ATP6V1H: variants seen among roughly 807,000 people sequenced by gnomAD.
ATP6V1H encodes V-type proton ATPase subunit H.
Under a neutral mutation model 71.7 loss-of-function variants are expected in ATP6V1H, and 39 were observed. The observed-to-expected ratio is 0.54, with a 90% CI of 0.42 to 0.71. ATP6V1H has a LOEUF of 0.71. Among genes scored for constraint, ATP6V1H ranks in the 30% least tolerant of loss-of-function variants. The probability of loss-of-function intolerance (pLI) is 0.00; values close to 1 mark genes in which losing one functional copy is unlikely to be tolerated. For synonymous variants in ATP6V1H, 192 were observed against 199.3 expected (o/e 0.96, Z 0.31); for missense variants, 509 against 594.9 (o/e 0.86, Z 1.50).
intron 13 of ATP6V1H, among the ~76,000 whole-genome samples, chr8:53,732,901 G>A (rs564564666): frequency 3.1e-4 from 47 of 152,190 alleles, no homozygotes; most frequent in Non-Finnish European, 5.7e-4. Context: ...GATCAGAGCC[G>A]CGAGAGGCCA....
At chr8:53,831,553 G>T (rs933106411) in intron 3 of ATP6V1H, among the ~76,000 whole-genome samples, 2 of 152,146 alleles carry the variant, frequency 1.3e-5, no homozygotes, top group East Asian at 1.9e-4. Flanking sequence ...ACACTATTAC[G>T]TTAAGATACT....
chr8:53,823,012 TA>T (rs1349176398), intron 4 of ATP6V1H, among the ~76,000 whole-genome samples: 1 of 151,840 alleles, frequency 6.6e-6, no homozygotes, highest in African/African-American at 2.4e-5. Flanking sequence ...ATTAGAAAAG[TA>T]AAAAATGCAT....
rs561030914 is a variant in ATP6V1H at position 53,736,981 on chromosome 8, T to TTTCTG, written c.1391+6591_1391+6595dup. On this transcript the variant is annotated intron_variant, in intron 13 of 13. Transcript: ENST00000359530. ...ATTGTATAAGGAAGCATTGTGAAAC[T>TTTCTG]TTCTGTTCTGTTCTGTCTTGATTAC... Among the ~76,000 whole-genome samples, 349 of 152,346 alleles carry TTTCTG rather than the reference T, an allele frequency of 2.3e-3. 2 individuals carry two copies. Among genetic ancestry groups the TTTCTG allele is most frequent in the African/African-American group, 8.1e-3 (335 of 41,582 alleles).
rs559909657 is a variant in ATP6V1H at position 53,728,093 on chromosome 8, C to T, written c.1392-12069G>A. 2.5e-3 allele frequency among the ~76,000 whole-genome samples: 388 copies of T among 152,316 alleles called. 1 individual carries two copies. Among genetic ancestry groups the T allele is most frequent in the African/African-American group, 8.4e-3 (349 of 41,578 alleles). On this transcript the variant is annotated intron_variant, in intron 13 of 13. Coordinates refer to ENST00000359530, the MANE Select transcript of ATP6V1H (RefSeq NM_015941.4). ...GGTTTCCTTGCCTTTGAACTTGCCA[C>T]GCAGCAGGCAGGGTGACGTCAAACA...
intron 11 of ATP6V1H, among the ~76,000 whole-genome samples, chr8:53,763,915 C>T (rs544915416): frequency 4.1e-4 from 63 of 152,252 alleles, no homozygotes; most frequent in Non-Finnish European, 7.1e-4. Flanking sequence ...CAAGAACTAG[C>T]TAGAGAAATA....
chr8:53,763,902 T>C (rs1010730326), intron 11 of ATP6V1H, among the ~76,000 whole-genome samples: 9 of 152,146 alleles, frequency 5.9e-5, no homozygotes, highest in African/African-American at 2.2e-4. Context: ...GCTAAAGATT[T>C]AACAAGAACT....
At chr8:53,825,260 C>T (rs926662539) in intron 4 of ATP6V1H, among the ~76,000 whole-genome samples, 10 of 152,076 alleles carry the variant, frequency 6.6e-5, no homozygotes, top group African/African-American at 2.2e-4. Context: ...TGGTTTCAAA[C>T]TCCTGGCTTC....
chr8:53,782,048 G>A (rs1450798718), intron 9 of ATP6V1H, among the ~76,000 whole-genome samples: 1 of 152,094 alleles, frequency 6.6e-6, no homozygotes, highest in African/African-American at 2.4e-5. Flanking sequence ...CCATATGAAC[G>A]TTAAAGTAGT....
intron 9 of ATP6V1H, among the ~76,000 whole-genome samples, chr8:53,793,194 A>G (rs1173227247): frequency 2.0e-5 from 3 of 152,252 alleles, no homozygotes; most frequent in Admixed American, 1.3e-4. Context: ...ACGGAATGCA[A>G]ATTTAAAACA....
intron 7 of ATP6V1H, among the ~76,000 whole-genome samples, chr8:53,806,295 C>A (rs1049892354): frequency 1.3e-4 from 20 of 151,806 alleles, no homozygotes; most frequent in Admixed American, 2.0e-4. Flanking sequence ...TCAATTTCTA[C>A]AAAACACTAA....
intron 7 of ATP6V1H, among the ~76,000 whole-genome samples, chr8:53,810,790 C>T (rs747361595): frequency 2.1e-4 from 32 of 152,044 alleles, no homozygotes; most frequent in Non-Finnish European, 2.6e-4. Flanking sequence ...AAATGTTTGA[C>T]GCTTTTGTTC....
chr8:53,837,407 G>C (rs887955580), intron 2 of ATP6V1H, among the ~76,000 whole-genome samples: 3 of 151,728 alleles, frequency 2.0e-5, no homozygotes, highest in African/African-American at 7.3e-5. Flanking sequence ...GCACTCCAGT[G>C]AGGAAAACAG....
chr8:53,782,754 G>A (rs1479975059), intron 9 of ATP6V1H, among the ~76,000 whole-genome samples: 1 of 152,144 alleles, frequency 6.6e-6, no homozygotes, highest in Non-Finnish European at 1.5e-5. Flanking sequence ...AGCATGAAGG[G>A]TTGTTGAATT....
chr8:53,807,639 G>A (rs779945028), intron 7 of ATP6V1H, among the ~76,000 whole-genome samples: 17 of 152,170 alleles, frequency 1.1e-4, no homozygotes, highest in Non-Finnish European at 2.4e-4. Context: ...CCAGGGCTTG[G>A]AGGCAAGAAC....
chr8:53,835,830 C>T (rs1811141590), intron 2 of ATP6V1H, among the ~76,000 whole-genome samples: 1 of 152,102 alleles, frequency 6.6e-6, no homozygotes, highest in Non-Finnish European at 1.5e-5. Flanking sequence ...TCTTCTCATC[C>T]CACTCAAGTC....
Position 53,754,082 on chromosome 8 carries a change from A to G in ATP6V1H, c.1277+2473T>C, listed in dbSNP as rs11985797. ...TGCGCATAAGAGGAACCCTGAACTT[A>G]GAGAAACCCCAATCTCTCATATGGC... On this transcript the variant is annotated intron_variant, in intron 12 of 13. Transcript: ENST00000359530. Among the ~76,000 whole-genome samples the G allele has an allele frequency of 3.5e-3, 536 of 152,330 alleles. 3 individuals are homozygous for G. The highest frequency in any genetic ancestry group is 0.012 in the African/African-American group (494 of 41,576).
At chr8:53,753,006 C>A (rs1038733507) in intron 12 of ATP6V1H, among the ~76,000 whole-genome samples, 2 of 150,022 alleles carry the variant, frequency 1.3e-5, no homozygotes, top group African/African-American at 2.5e-5. Context: ...TGTTGATCTG[C>A]AAATCCACTG....
chr8:53,796,992 G>A (rs944384971), intron 8 of ATP6V1H, among the ~76,000 whole-genome samples: 1 of 152,152 alleles, frequency 6.6e-6, no homozygotes, highest in Admixed American at 6.5e-5. Context: ...CTTTTGCCTT[G>A]TCTTCTCTAT....
chr8:53,747,944 T>C (rs1468941805), intron 12 of ATP6V1H, among the ~76,000 whole-genome samples: 1 of 151,316 alleles, frequency 6.6e-6, no homozygotes, highest in East Asian at 2.0e-4. Context: ...GGTGGGTGGA[T>C]CACCTGAGGT....
Sources: allele counts gnomAD v4.1 joint callset (sites outside exome capture counted in the v4.1 genomes callset), GRCh38; gene constraint gnomAD v4.1.1; transcripts MANE v1.5; gene names NCBI Gene and HGNC (gene_info 2026-07-23, HGNC 2026-07-21).